Variants in KCNIP1 observed in about 807,000 individuals in gnomAD.
KCNIP1 encodes the protein A-type potassium channel modulatory protein KCNIP1.
A neutral mutation model predicts 33.0 loss-of-function variants in KCNIP1; 18 were observed. That is an observed-to-expected ratio of 0.55 (90% CI 0.38 to 0.81). The LOEUF (loss-of-function observed/expected upper bound fraction) is 0.81, where lower values mean the gene tolerates loss of function less well. Ranked by LOEUF, KCNIP1 falls within the 30% of genes least tolerant of loss-of-function variation. The pLI is 0.00. For missense variants in KCNIP1, 238 were observed against 271.6 expected, an observed-to-expected ratio of 0.88 and a Z score of 0.87; for synonymous variants, 93 against 98.3, an observed-to-expected ratio of 0.95 and a Z score of 0.32.
intron 1 of KCNIP1, among the ~76,000 whole-genome samples, chr5:170,548,639 G>A (rs1756501434): frequency 6.6e-6 from 1 of 152,128 alleles, no homozygotes; most frequent in South Asian, 2.1e-4. Flanking sequence ...CCAAAGTCAG[G>A]ACAGACAGGT....
At chr5:170,506,654 A>C (rs1754730628) in intron 1 of KCNIP1, among the ~76,000 whole-genome samples, 1 of 152,148 alleles carries the variant, frequency 6.6e-6, no homozygotes. Context: ...GTGTGTCCCT[A>C]CTGTGTGCTT....
intron 1 of KCNIP1, among the ~76,000 whole-genome samples, chr5:170,392,079 C>T (rs1303974050): frequency 6.6e-6 from 1 of 152,178 alleles, no homozygotes; most frequent in Non-Finnish European, 1.5e-5. Context: ...TCGAGTTCCC[C>T]CCACACGCTC....
chr5:170,671,152 C>T (rs973476617), intron 1 of KCNIP1, among the ~76,000 whole-genome samples: 5 of 152,126 alleles, frequency 3.3e-5, no homozygotes, highest in Non-Finnish European at 5.9e-5. Flanking sequence ...CACATACACG[C>T]GCAAAATGTT....
chr5:170,381,092 C>T (rs1457025987), intron 1 of KCNIP1, among the ~76,000 whole-genome samples: 2 of 152,210 alleles, frequency 1.3e-5, no homozygotes, highest in Non-Finnish European at 2.9e-5. Flanking sequence ...GAAGTAGAGG[C>T]TTCTGTCCAT....
At chr5:170,456,108 A>C (rs1338156593) in intron 1 of KCNIP1, among the ~76,000 whole-genome samples, 4 of 152,234 alleles carry the variant, frequency 2.6e-5, no homozygotes, top group African/African-American at 9.6e-5. Flanking sequence ...GCACATATAC[A>C]CCATGGAATA....
chr5:170,357,911 C>T (rs1442209944), intron 1 of KCNIP1, among the ~76,000 whole-genome samples: 1 of 152,192 alleles, frequency 6.6e-6, no homozygotes, highest in Non-Finnish European at 1.5e-5. Context: ...TCACCTGATT[C>T]CTTATTAGGA....
intron 1 of KCNIP1, among the ~76,000 whole-genome samples, chr5:170,384,707 C>T (rs1330257160): frequency 1.3e-5 from 2 of 152,166 alleles, no homozygotes; most frequent in African/African-American, 2.4e-5. Context: ...AAATAGAACA[C>T]GAATTAGGAA....
chr5:170,383,599 C>CGGGGACAGGGACAGTT, intron 1 of KCNIP1: 1 of 1,508,540 alleles, frequency 6.6e-7, no homozygotes, highest in South Asian at 1.1e-5. Context: ...TTCTCAGCCT[C>CGGGGACAGGGACAGTT]GGGGACAGGG....
intron 1 of KCNIP1, among the ~76,000 whole-genome samples, chr5:170,661,138 A>T (rs1761468227): frequency 6.6e-6 from 1 of 152,140 alleles, no homozygotes; most frequent in Non-Finnish European, 1.5e-5. Flanking sequence ...ACCCAGGTGG[A>T]GAGGTTGAGG....
intron 5 of KCNIP1, among the ~76,000 whole-genome samples, chr5:170,728,705 G>A (rs1015840734): frequency 6.6e-6 from 1 of 151,906 alleles, no homozygotes; most frequent in Admixed American, 6.6e-5. Context: ...TATAAAGATA[G>A]CAATATTATA....
At chr5:170,597,057 G>C (rs992646065) in intron 1 of KCNIP1, among the ~76,000 whole-genome samples, 1 of 152,232 alleles carries the variant, frequency 6.6e-6, no homozygotes, top group African/African-American at 2.4e-5. Context: ...TCATGCAGCT[G>C]CTAACAGGGA....
intron 1 of KCNIP1, among the ~76,000 whole-genome samples, chr5:170,579,139 TC>T (rs754171596): frequency 1.3e-5 from 2 of 152,182 alleles, no homozygotes; most frequent in Non-Finnish European, 2.9e-5. Context: ...TCTCTTTCCA[TC>T]CATATTCACT....
intron 1 of KCNIP1, among the ~76,000 whole-genome samples, chr5:170,533,214 GATA>G (rs1755846476): frequency 6.6e-6 from 1 of 152,022 alleles, no homozygotes; most frequent in African/African-American, 2.4e-5. Context: ...TTGAGGGGTG[GATA>G]ATAAGCAAGG....
chr5:170,391,182 C>T (rs1204031167), intron 1 of KCNIP1, among the ~76,000 whole-genome samples: 1 of 152,128 alleles, frequency 6.6e-6, no homozygotes. Flanking sequence ...CAGGAAAAGT[C>T]CTCCTGGGGC....
intron 1 of KCNIP1, among the ~76,000 whole-genome samples, chr5:170,673,028 T>C (rs1405379903): frequency 6.6e-6 from 1 of 152,264 alleles, no homozygotes; most frequent in Non-Finnish European, 1.5e-5. Context: ...CTATCTATTA[T>C]AGCAGGTCCC....
chr5:170,444,713 A>AG (rs1188777042), intron 1 of KCNIP1, among the ~76,000 whole-genome samples: 5 of 151,752 alleles, frequency 3.3e-5, no homozygotes, highest in Non-Finnish European at 7.4e-5. Context: ...AAAAAAAAAA[A>AG]ACCTTCTTCC....
chr5:170,723,000 T>A (rs914233607), intron 5 of KCNIP1, among the ~76,000 whole-genome samples, 180 bp downstream of exon 5: 1 of 152,112 alleles, frequency 6.6e-6, no homozygotes, highest in Non-Finnish European at 1.5e-5. Flanking sequence ...CCTGCCCTGT[T>A]CCCAAGCGCC....
In KCNIP1 at chr5:170,504,555, A is replaced by C; in HGVS notation, c.-18A>C. ...GGCCGGGCCCGGGGTCCCAACTCGCACTCAAGTCTTCGCTGCCATGGGGGC... is the reference window on the plus strand; with the variant it reads ...GGCCGGGCCCGGGGTCCCAACTCGCCCTCAAGTCTTCGCTGCCATGGGGGC... On this transcript the variant is annotated 5_prime_UTR_variant, in exon 1 of 8. Coordinates refer to ENST00000328939, the MANE Select transcript of KCNIP1 (RefSeq NM_014592.4). This position sits in a 1 kb window ranked among gnomAD's most constrained non-coding sequence, Gnocchi z 6.0. 6.2e-7 allele frequency: 1 copy of C among 1,612,826 alleles called. No homozygotes were observed.
At chr5:170,718,690 C>T in intron 1 of KCNIP1, 68 bp from the exon 2 acceptor site, 2 of 1,594,464 alleles carry the variant, frequency 1.3e-6, no homozygotes, top group Non-Finnish European at 1.7e-6. Context: ...TTTTGACAGC[C>T]CAGATTGTTA....
Sources: gnomAD v4.1 joint callset for allele counts (sites outside exome capture counted in the v4.1 genomes callset) on GRCh38, gnomAD v4.1.1 for gene constraint, Gnocchi (gnomAD v3.1) non-coding constraint, MANE v1.5 for transcripts, NCBI Gene and HGNC (gene_info 2026-07-23, HGNC 2026-07-21) for gene names.